FBN2: variants seen among roughly 807,000 people sequenced by gnomAD.
The protein encoded by FBN2 is fibrillin-2.
FBN2 carries 105 observed loss-of-function variants against 355.6 expected under a neutral mutation model. The ratio of observed to expected loss-of-function variants is 0.30; its 90% CI spans 0.25 to 0.35. The LOEUF is 0.35. Ranked by LOEUF, FBN2 falls within the 10% of genes least tolerant of loss-of-function variation. The pLI is 1.00. For synonymous variants in FBN2, 1,350 were observed against 1,301.2 expected, an observed-to-expected ratio of 1.04 and a Z score of -0.81; for missense variants, 3,280 against 3,758.7, an observed-to-expected ratio of 0.87 and a Z score of 3.33.
intron 9 of FBN2, among the ~76,000 whole-genome samples, chr5:128,394,672 A>T (rs2126980829): frequency 6.6e-6 from 1 of 152,364 alleles, no homozygotes; most frequent in Non-Finnish European, 1.5e-5. Flanking sequence ...ATTAGATATT[A>T]TCAAAACTGA....
At chr5:128,330,759 T>C in intron 32 of FBN2, 64 bp from the exon 33 acceptor site, 1 of 1,568,208 alleles carries the variant, frequency 6.4e-7, no homozygotes, top group East Asian at 2.3e-5. Flanking sequence ...GGAAAGATTA[T>C]CGTTTGTCTT....
intron 4 of FBN2, among the ~76,000 whole-genome samples, chr5:128,522,662 T>C (rs1347504638): frequency 2.6e-5 from 4 of 152,112 alleles, no homozygotes; most frequent in Non-Finnish European, 4.4e-5. Context: ...GAAATACAGA[T>C]AAAAGTAGAA....
At chr5:128,363,221 C>T (rs1342368227) in intron 18 of FBN2, among the ~76,000 whole-genome samples, 1 of 151,950 alleles carries the variant, frequency 6.6e-6, no homozygotes. Context: ...GATGGAGTCT[C>T]GGTCTGTCAC....
At chr5:128,276,956 C>T (rs1255949558) in intron 58 of FBN2, among the ~76,000 whole-genome samples, 2 of 152,174 alleles carry the variant, frequency 1.3e-5, no homozygotes, top group Non-Finnish European at 2.9e-5. Context: ...AATATGCCAT[C>T]TCTTTCCTAC....
At chr5:128,326,114 T>G (rs1750538499) in intron 34 of FBN2, among the ~76,000 whole-genome samples, 2 of 152,230 alleles carry the variant, frequency 1.3e-5, no homozygotes, top group African/African-American at 4.8e-5. Flanking sequence ...TAGTTGCTAC[T>G]GTTTTTCAGC....
At chr5:128,373,634 C>T (rs1392697777) in intron 15 of FBN2, among the ~76,000 whole-genome samples, 1 of 152,156 alleles carries the variant, frequency 6.6e-6, no homozygotes, top group Non-Finnish European at 1.5e-5. Flanking sequence ...ATGGCTAATT[C>T]ACCCTAGAAG....
At chr5:128,482,230 T>C (rs534110006) in intron 5 of FBN2, among the ~76,000 whole-genome samples, 166 of 152,218 alleles carry the variant, frequency 1.1e-3, no homozygotes, top group African/African-American at 3.7e-3. Flanking sequence ...ATTGGGAGGA[T>C]GTTTACTTTG....
intron 20 of FBN2, among the ~76,000 whole-genome samples, chr5:128,352,511 A>G (rs1303019915): frequency 6.6e-6 from 1 of 152,262 alleles, no homozygotes; most frequent in African/African-American, 2.4e-5. Flanking sequence ...CAAATGAACA[A>G]ATAATAAATG....
chr5:128,456,089 G>A (rs1004738515), intron 6 of FBN2, among the ~76,000 whole-genome samples: 5 of 146,258 alleles, frequency 3.4e-5, no homozygotes, highest in African/African-American at 1.0e-4. Context: ...TATAGCTCCC[G>A]GCTGTGCTTT....
intron 34 of FBN2, among the ~76,000 whole-genome samples, chr5:128,327,541 T>C (rs1432512044): frequency 6.6e-6 from 1 of 150,988 alleles, no homozygotes; most frequent in Non-Finnish European, 1.5e-5. Flanking sequence ...TTAATATGTT[T>C]CATTTTATCA....
chr5:128,499,430 TA>T (rs1319540997), intron 5 of FBN2, among the ~76,000 whole-genome samples: 1 of 152,164 alleles, frequency 6.6e-6, no homozygotes. Flanking sequence ...TCGCGGGCTT[TA>T]AAAAATGCTA....
At chr5:128,297,999 A>G (rs1458758708) in intron 48 of FBN2, among the ~76,000 whole-genome samples, 15 of 149,878 alleles carry the variant, frequency 1.0e-4, no homozygotes, top group Non-Finnish European at 1.6e-4. Flanking sequence ...CATGTTTAGC[A>G]CTTCCTTCAG....
intron 48 of FBN2, among the ~76,000 whole-genome samples, chr5:128,294,407 C>T (rs1401732644): frequency 1.1e-4 from 16 of 152,114 alleles, no homozygotes; most frequent in Non-Finnish European, 1.8e-4. Context: ...CCTGAGGAAT[C>T]GCCACACTGA....
intron 58 of FBN2, 120 bp from the exon 59 acceptor site, chr5:128,276,280 A>G: frequency 6.9e-6 from 7 of 1,013,942 alleles, no homozygotes; most frequent in Non-Finnish European, 1.1e-5. Context: ...AGTGGAATAT[A>G]GCCAGAGAGA....
intron 11 of FBN2, among the ~76,000 whole-genome samples, chr5:128,388,742 C>T (rs1465409931): frequency 1.3e-5 from 2 of 152,118 alleles, no homozygotes; most frequent in African/African-American, 4.8e-5. Context: ...AGGTGACCTG[C>T]TCCTTCTCTT....
chr5:128,379,782 C>T lies in FBN2; in HGVS notation c.1604-892G>A, dbSNP rs141422368. Reference sequence around the variant, plus strand: ...TGCCCACTAAATATTATTTTCAATCCTTGCAAATTAAAAACCTGGCTAGTT... The same window carrying T: ...TGCCCACTAAATATTATTTTCAATCTTTGCAAATTAAAAACCTGGCTAGTT... On this transcript the variant is annotated intron_variant, in intron 11 of 64. Coordinates refer to ENST00000262464, the MANE Select transcript of FBN2 (RefSeq NM_001999.4). Among the ~76,000 whole-genome samples the T allele has an allele frequency of 3.1e-3, 466 of 152,122 alleles. 3 individuals are homozygous for T. The highest frequency in any genetic ancestry group is 0.011 in the African/African-American group (448 of 41,490).
chr5:128,339,251 A>G (rs776670264), intron 25 of FBN2, 190 bp from the exon 26 acceptor site: 3 of 592,406 alleles, frequency 5.1e-6, no homozygotes, highest in African/African-American at 1.9e-5. Context: ...CAAAACTGCC[A>G]TGCCAACAGG....
intron 37 of FBN2, 52 bp from the exon 38 acceptor site, chr5:128,312,005 A>G (rs781044858): frequency 1.6e-6 from 2 of 1,271,408 alleles, no homozygotes; most frequent in Non-Finnish European, 2.3e-6. Context: ...CAAGTGGCTG[A>G]GACAATGAGC....
Position 128,495,449 on chromosome 5 carries a change from A to G in FBN2, c.628+23824T>C, listed in dbSNP as rs373834331. On this transcript the variant is annotated intron_variant, in intron 5 of 64. Coordinates refer to ENST00000262464, the MANE Select transcript of FBN2 (RefSeq NM_001999.4). ...TGAAACACTATTAATTTATACCTCC[A>G]AGAAGTTTAACAAAGTTTAAGTAGT... is the stretch of plus-strand genomic sequence containing the variant. Among the ~76,000 whole-genome samples the G allele has an allele frequency of 3.2e-4, 48 of 152,254 alleles. No homozygotes were observed. In the East Asian group the frequency reaches 4.8e-3, roughly 15 times the overall value.
Sources: gnomAD v4.1 joint callset for allele counts (sites outside exome capture counted in the v4.1 genomes callset) on GRCh38, gnomAD v4.1.1 for gene constraint, MANE v1.5 for transcripts, NCBI Gene and HGNC (gene_info 2026-07-23, HGNC 2026-07-21) for gene names.